The following KCNC4 variants were observed in gnomAD, a reference collection of about 807,000 sequenced individuals.
KCNC4 encodes the protein voltage-gated potassium channel KCNC4.
Under a neutral mutation model 42.8 loss-of-function variants are expected in KCNC4, and 23 were observed. The observed-to-expected ratio is 0.54, with a 90% CI of 0.39 to 0.76. The LOEUF is 0.76. Ranked by LOEUF, KCNC4 falls within the 30% of genes least tolerant of loss-of-function variation. The pLI is 0.00. For synonymous variants in KCNC4, 422 were observed against 393.5 expected (o/e 1.07, Z -0.86); for missense variants, 751 against 898.2 (o/e 0.84, Z 2.10).
downstream of KCNC4, among the ~76,000 whole-genome samples, chr1:110,251,956 T>C (rs1659257558): frequency 6.6e-6 from 1 of 152,146 alleles, no homozygotes; most frequent in African/African-American, 2.4e-5. Context: ...GGGCCCCACA[T>C]TAGGGGGACT....
At chr1:110,220,567 G>A (rs1026517749) in intron 1 of KCNC4, 2 of 150,984 alleles carry the variant, frequency 1.3e-5, no homozygotes, top group Admixed American at 6.6e-5. Flanking sequence ...TTCCCAGGTG[G>A]GCCTACTCTC....
chr1:110,211,273 C>G lies in KCNC4; in HGVS notation c.-227C>G. ...CTCCCTCTCTGCGCCTCCCTCTCTC[C>G]GGAGCTTCCTGCCCTAACCCCAACC... On this transcript the variant is annotated 5_prime_UTR_variant, in exon 1 of 4. Transcript: ENST00000438661. The surrounding 1 kb of genome is among the most constrained non-coding windows in gnomAD (Gnocchi z 6.5). 1.7e-6 allele frequency: 1 copy of G among 599,028 alleles called. No homozygotes were observed. The highest frequency in any genetic ancestry group is 2.8e-6 in the Non-Finnish European group (1 of 351,426). 37.1% of individuals were successfully genotyped at this position (599,028 alleles called of 1,614,324 possible). A position where few individuals can be genotyped will look rare whatever the true frequency, so the allele number is the denominator to read the frequency against.
intron 1 of KCNC4, among the ~76,000 whole-genome samples, chr1:110,215,486 C>T (rs745964032): frequency 6.6e-6 from 1 of 152,230 alleles, no homozygotes; most frequent in Non-Finnish European, 1.5e-5. Flanking sequence ...GATGCCCTTC[C>T]CCTACCCTAG....
chr1:110,237,971 C>T (rs938916750), downstream of KCNC4: 2 of 152,262 alleles, frequency 1.3e-5, no homozygotes, highest in Admixed American at 6.5e-5. Context: ...AGAGGTAGCA[C>T]GTGAGCTGGC....
chr1:110,232,510 G>C, intron 3 of KCNC4: 2 of 1,437,652 alleles, frequency 1.4e-6, no homozygotes, highest in Non-Finnish European at 9.1e-7. Flanking sequence ...ATGCAAGGCT[G>C]CAGAGCTATG....
chr1:110,229,372 G>A (rs1471751115), intron 3 of KCNC4, among the ~76,000 whole-genome samples: 1 of 152,182 alleles, frequency 6.6e-6, no homozygotes, highest in East Asian at 1.9e-4. Context: ...GGCCGTGGGC[G>A]GGCTGCCTAG....
intron 1 of KCNC4, among the ~76,000 whole-genome samples, chr1:110,265,075 C>G (rs2101079571): frequency 8.0e-6 from 1 of 124,412 alleles, no homozygotes; most frequent in East Asian, 2.3e-4. Flanking sequence ...AACCAAGACT[C>G]TGTCTCAGAA....
intron 1 of KCNC4, among the ~76,000 whole-genome samples, chr1:110,271,731 G>A (rs1659638662): frequency 6.6e-6 from 1 of 152,074 alleles, no homozygotes; most frequent in South Asian, 2.1e-4. Flanking sequence ...AATCATGTGG[G>A]GGCTGTTTCT....
At chr1:110,241,973 A>C (rs1161037310) in exon 4 of KCNC4, 1 of 152,244 alleles carries the variant, frequency 6.6e-6, no homozygotes, top group African/African-American at 2.4e-5. Context: ...GAGTGAATGA[A>C]TTAGCTGCCC....
chr1:110,225,706 T>G, intron 2 of KCNC4: 2 of 385,188 alleles, frequency 5.2e-6, no homozygotes, highest in Non-Finnish European at 9.4e-6. Context: ...ATTTGGGGAG[T>G]CACTGCTGTA....
At chr1:110,259,500 C>G (rs1659389693) in intron 1 of KCNC4, among the ~76,000 whole-genome samples, 1 of 152,234 alleles carries the variant, frequency 6.6e-6, no homozygotes, top group Non-Finnish European at 1.5e-5. Flanking sequence ...CTCTCAGACT[C>G]TCTTGCAGAT....
rs1016772208 is a variant in KCNC4, at chr1:110,229,031, T to G, written c.1819+2853T>G. 2.0e-5 allele frequency: 3 copies of G among 152,192 alleles called. No homozygotes were observed. The East Asian group carries it at 5.8e-4, about 29-fold the overall frequency. 9.4% of individuals were successfully genotyped at this position (152,192 alleles called of 1,614,324 possible). A position where few individuals can be genotyped will look rare whatever the true frequency, so the allele number is the denominator to read the frequency against. On this transcript the variant is annotated intron_variant, in intron 3 of 3. Transcript: ENST00000438661. The stretch of plus-strand genomic sequence containing the variant: ...CAGTCTCAGCCACCAGGCGTTTATG[T>G]GTGCACAGAGCGCCTGGGGCCAGTC...
At chr1:110,250,179 T>C (rs544314467), downstream of KCNC4, among the ~76,000 whole-genome samples, 1 of 152,160 alleles carries the variant, frequency 6.6e-6, no homozygotes, top group Admixed American at 6.5e-5. Context: ...TCCTCCCACA[T>C]GACCAGGCCT....
rs1455564042 is a variant in KCNC4 at position 110,246,414 on chromosome 1, C to T, written c.*14105C>T. 4 of 152,292 alleles carry T rather than the reference C, an allele frequency of 2.6e-5. No homozygotes were observed. In the East Asian group the frequency reaches 7.7e-4, roughly 29 times the overall value. 9.4% of individuals were successfully genotyped at this position (152,292 alleles called of 1,614,324 possible). A position where few individuals can be genotyped will look rare whatever the true frequency, so the allele number is the denominator to read the frequency against. On this transcript the variant is annotated 3_prime_UTR_variant, in exon 4 of 4. Coordinates refer to the KCNC4 transcript ENST00000369787. ...GAGGGTAGGGAGTTGGAGAAGATTC[C>T]TCCAGCCACAGAACAGCTCCTTGAA... is the stretch of plus-strand genomic sequence containing the variant.
chr1:110,225,697 T>G, intron 2 of KCNC4: 13 of 369,458 alleles, frequency 3.5e-5, no homozygotes, highest in East Asian at 8.8e-5. Context: ...AGCAGGCAGA[T>G]TTGGGGAGTC....
intron 3 of KCNC4, among the ~76,000 whole-genome samples, chr1:110,231,689 C>T (rs1040293099): frequency 6.6e-6 from 1 of 152,182 alleles, no homozygotes; most frequent in African/African-American, 2.4e-5. Flanking sequence ...CAGGGCAAGA[C>T]CACAGCTCTG....
At chr1:110,226,202 G>T (rs1658384572) in intron 3 of KCNC4, 24 bp downstream of exon 3, 3 of 1,607,880 alleles carry the variant, frequency 1.9e-6, no homozygotes, top group Non-Finnish European at 2.6e-6. Flanking sequence ...AGCTGGACAG[G>T]TGGGGAGCCC....
downstream of KCNC4, among the ~76,000 whole-genome samples, chr1:110,254,090 C>CGGGG (rs11305916): frequency 1.3e-4 from 14 of 109,236 alleles, no homozygotes; most frequent in South Asian, 7.2e-4. Context: ...AGGCAGAAGT[C>CGGGG]GGGGGGGGGG....
At chr1:110,268,383 A>G (rs1213481402) in intron 1 of KCNC4, among the ~76,000 whole-genome samples, 3 of 152,232 alleles carry the variant, frequency 2.0e-5, no homozygotes, top group South Asian at 2.1e-4. Flanking sequence ...CGAGGCGGGC[A>G]GATCACGAGG....
Sources: allele counts gnomAD v4.1 joint callset (sites outside exome capture counted in the v4.1 genomes callset), GRCh38; gene constraint gnomAD v4.1.1; non-coding constraint Gnocchi (gnomAD v3.1); transcripts MANE v1.5; gene names NCBI Gene and HGNC (gene_info 2026-07-23, HGNC 2026-07-21).